The following SEMA5A variants were observed in gnomAD, a reference collection of about 807,000 sequenced individuals.
SEMA5A encodes semaphorin 5A, also known as semaphorin-5A.
In SEMA5A, 55 loss-of-function variants were observed where a neutral mutation model predicts 135.5. The ratio of observed to expected loss-of-function variants is 0.41; its 90% CI spans 0.33 to 0.51. The LOEUF is 0.51. Ranked by LOEUF, SEMA5A falls within the 20% of genes least tolerant of loss-of-function variation. The pLI is 0.37. For missense variants in SEMA5A, 1,290 were observed against 1,419.9 expected (o/e 0.91, Z 1.47); for synonymous variants, 580 against 546.5 (o/e 1.06, Z -0.85).
At chr5:9,364,142 C>T (rs1240518288) in intron 3 of SEMA5A, among the ~76,000 whole-genome samples, 2 of 152,194 alleles carry the variant, frequency 1.3e-5, no homozygotes, top group East Asian at 1.9e-4. Flanking sequence ...TAGCAGGCAT[C>T]TTTAACAACC....
intron 13 of SEMA5A, among the ~76,000 whole-genome samples, chr5:9,133,299 A>G (rs577142122): frequency 5.9e-5 from 9 of 152,240 alleles, no homozygotes; most frequent in African/African-American, 2.2e-4. Context: ...AAAGAGATGT[A>G]TAGTTAGATA....
intron 12 of SEMA5A, among the ~76,000 whole-genome samples, chr5:9,150,953 C>A (rs1319808993): frequency 3.3e-5 from 5 of 152,126 alleles, no homozygotes; most frequent in African/African-American, 1.2e-4. Context: ...CCTCGTTGTA[C>A]CGGGGCAGCA....
chr5:9,462,119 C>T (rs1759079838), intron 1 of SEMA5A, among the ~76,000 whole-genome samples: 1 of 152,108 alleles, frequency 6.6e-6, no homozygotes, highest in African/African-American at 2.4e-5. Context: ...TATCTCTATC[C>T]CAAACCTAAA....
chr5:9,170,770 TG>T (rs1319213419), intron 11 of SEMA5A, among the ~76,000 whole-genome samples: 1 of 152,200 alleles, frequency 6.6e-6, no homozygotes, highest in Non-Finnish European at 1.5e-5. Context: ...ACATTTCTGT[TG>T]TTTCTAAATC....
chr5:9,154,061 AAATATATAT>A (rs1319839890), intron 12 of SEMA5A, among the ~76,000 whole-genome samples: 9 of 46,862 alleles, frequency 1.9e-4, no homozygotes, highest in African/African-American at 2.7e-4. Flanking sequence ...AAAAAAAAAA[AAATATATAT>A]ATATATATAT....
intron 4 of SEMA5A, among the ~76,000 whole-genome samples, chr5:9,320,546 CA>C (rs1046654460): frequency 1.3e-5 from 2 of 151,822 alleles, no homozygotes; most frequent in African/African-American, 4.8e-5. Context: ...CCTATCTCTA[CA>C]AAAAAAGAAA....
intron 1 of SEMA5A, among the ~76,000 whole-genome samples, chr5:9,461,525 G>A (rs1388454665): frequency 6.6e-6 from 1 of 152,114 alleles, no homozygotes; most frequent in Non-Finnish European, 1.5e-5. Flanking sequence ...ACAATAGAAT[G>A]GCATAGAGAA....
At chr5:9,222,441 A>G (rs1472789664) in intron 8 of SEMA5A, among the ~76,000 whole-genome samples, 1 of 152,152 alleles carries the variant, frequency 6.6e-6, no homozygotes, top group Non-Finnish European at 1.5e-5. Flanking sequence ...TTTCTATCCT[A>G]GGAGAGAGGG....
chr5:9,240,009 C>T lies in SEMA5A; in HGVS notation c.271-2119G>A, dbSNP rs142919295. The stretch of plus-strand genomic sequence containing the variant: ...ACAAGTCTACCTAATGCCCAAATAG[C>T]CTTTGCATTTTCAAGATAAATATTG... On this transcript the variant is annotated intron_variant, in intron 5 of 22. Coordinates refer to ENST00000382496, the MANE Select transcript of SEMA5A (RefSeq NM_003966.3). Among the ~76,000 whole-genome samples, 1,255 of 151,954 alleles carry T rather than the reference C, an allele frequency of 8.3e-3. 15 individuals carry two copies. The highest frequency in any genetic ancestry group is 0.029 in the African/African-American group (1,208 of 41,488).
intron 17 of SEMA5A, among the ~76,000 whole-genome samples, chr5:9,065,574 T>C (rs1043162274): frequency 3.3e-5 from 5 of 152,218 alleles, no homozygotes; most frequent in Non-Finnish European, 5.9e-5. Context: ...GATCTAAGAA[T>C]GGCCACAAGA....
chr5:9,418,069 C>T (rs1234668044), intron 2 of SEMA5A, among the ~76,000 whole-genome samples: 5 of 151,978 alleles, frequency 3.3e-5, no homozygotes, highest in Admixed American at 2.6e-4. Flanking sequence ...CTCCGCCTCC[C>T]GGGTTCACGC....
chr5:9,301,790 G>C (rs1751623804), intron 5 of SEMA5A, among the ~76,000 whole-genome samples: 1 of 152,146 alleles, frequency 6.6e-6, no homozygotes, highest in African/African-American at 2.4e-5. Flanking sequence ...ATATGAGAAA[G>C]AGGAGCCATG....
chr5:9,265,854 A>G (rs186709695), intron 5 of SEMA5A, among the ~76,000 whole-genome samples: 115 of 152,272 alleles, frequency 7.6e-4, no homozygotes, highest in Non-Finnish European at 4.7e-4. Context: ...AGGGCTCAGC[A>G]GGCACACCGT....
chr5:9,089,078 G>A (rs2150120555), intron 16 of SEMA5A, among the ~76,000 whole-genome samples: 1 of 152,230 alleles, frequency 6.6e-6, no homozygotes, highest in South Asian at 2.1e-4. Context: ...GTCTGTGCAG[G>A]GGTCTCCCTA....
At chr5:9,059,777 T>A (rs574847817) in intron 18 of SEMA5A, among the ~76,000 whole-genome samples, 12 of 152,304 alleles carry the variant, frequency 7.9e-5, no homozygotes, top group Admixed American at 4.6e-4. Flanking sequence ...CTCAAACTCC[T>A]GACCACAAGT....
intron 2 of SEMA5A, among the ~76,000 whole-genome samples, chr5:9,432,070 G>A (rs1227515398): frequency 6.6e-6 from 1 of 152,156 alleles, no homozygotes; most frequent in Non-Finnish European, 1.5e-5. Flanking sequence ...TTCCATAATG[G>A]GGAATTCCAA....
At chr5:9,255,687 G>A (rs565247471) in intron 5 of SEMA5A, among the ~76,000 whole-genome samples, 20 of 152,078 alleles carry the variant, frequency 1.3e-4, no homozygotes, top group South Asian at 1.2e-3. Context: ...CATCTGCTTC[G>A]GATCCTTCAC....
At chr5:9,376,063 ACTT>A (rs1242834261) in intron 3 of SEMA5A, among the ~76,000 whole-genome samples, 4 of 151,854 alleles carry the variant, frequency 2.6e-5, no homozygotes, top group Admixed American at 6.6e-5. Context: ...TCCAGAATCT[ACTT>A]CTTCTCTACA....
At chr5:9,091,487 A>T (rs925868992) in intron 16 of SEMA5A, among the ~76,000 whole-genome samples, 1 of 152,182 alleles carries the variant, frequency 6.6e-6, no homozygotes, top group African/African-American at 2.4e-5. Flanking sequence ...AAGCCTGCCA[A>T]ATCTCTTCAG....
Sources: gnomAD v4.1 joint callset for allele counts (sites outside exome capture counted in the v4.1 genomes callset) on GRCh38, gnomAD v4.1.1 for gene constraint, MANE v1.5 for transcripts, NCBI Gene and HGNC (gene_info 2026-07-23, HGNC 2026-07-21) for gene names.